Variants in NFYC observed in about 807,000 individuals in gnomAD.
The protein encoded by NFYC is nuclear transcription factor Y subunit gamma.
Under a neutral mutation model 53.1 loss-of-function variants are expected in NFYC, and 25 were observed. The ratio of observed to expected loss-of-function variants is 0.47; its 90% CI spans 0.34 to 0.66. NFYC has a LOEUF of 0.66. Among genes scored for constraint, NFYC ranks in the 30% least tolerant of loss-of-function variants. The pLI is 0.01. For synonymous variants in NFYC, 145 were observed against 152.6 expected, an observed-to-expected ratio of 0.95 and a Z score of 0.37; for missense variants, 260 against 422.7, an observed-to-expected ratio of 0.62 and a Z score of 3.38.
chr1:40,754,648 C>T (rs936735851), intron 5 of NFYC, among the ~76,000 whole-genome samples: 19 of 152,328 alleles, frequency 1.2e-4, no homozygotes, highest in Middle Eastern at 3.4e-3. Flanking sequence ...TCAGAAGCCC[C>T]CTTTAAAACA....
At chr1:40,692,144 T>G in intron 1 of NFYC, 1 of 187,438 alleles carries the variant, frequency 5.3e-6, no homozygotes, top group Non-Finnish European at 1.2e-5. Flanking sequence ...GATTGGTCGG[T>G]GGCGGGGAGG....
rs766774256 is a variant in NFYC, at chr1:40,738,854, A to G, written c.11A>G (p.Glu4Gly). 3 of 1,613,806 alleles carry G rather than the reference A, an allele frequency of 1.9e-6. No homozygotes were observed. Among genetic ancestry groups the G allele is most frequent in the African/African-American group, 2.7e-5 (2 of 74,940 alleles). Residue 4 changes from glutamate to glycine, a missense_variant, in exon 2 of 10, where the codon GAA becomes GGA. By Grantham distance (98) the Glu-to-Gly change is moderately conservative. Transcript: ENST00000447388. MSTEGGFGGTSSSD... is the reference protein window; with the variant it reads MSTGGGFGGTSSSD... ...TTTTCAGTTGTCGAGATGTCCACAG[A>G]AGGAGGATTTGGTGGTACTAGCAGC...
chr1:40,738,558 A>G (rs1417305760), intron 1 of NFYC, among the ~76,000 whole-genome samples: 2 of 152,262 alleles, frequency 1.3e-5, no homozygotes, highest in African/African-American at 4.8e-5. Context: ...CTTGATTAAC[A>G]TTAGGATTTC....
intron 6 of NFYC, among the ~76,000 whole-genome samples, chr1:40,759,590 T>C (rs545112350): frequency 6.6e-6 from 1 of 151,740 alleles, no homozygotes; most frequent in African/African-American, 2.4e-5. Flanking sequence ...TGTGTGTGTA[T>C]TATATATGTG....
intron 1 of NFYC, among the ~76,000 whole-genome samples, chr1:40,705,018 TC>T (rs1643628001): frequency 6.6e-6 from 1 of 152,254 alleles, no homozygotes; most frequent in Non-Finnish European, 1.5e-5. Flanking sequence ...TTTAATACTT[TC>T]CATTTTTTCA....
chr1:40,717,041 G>T (rs1644163076), intron 1 of NFYC, among the ~76,000 whole-genome samples: 1 of 152,138 alleles, frequency 6.6e-6, no homozygotes, highest in East Asian at 1.9e-4. Flanking sequence ...TAGATGTCCA[G>T]CCAGGCAGCT....
chr1:40,766,931 C>G, intron 8 of NFYC: 1 of 1,552,140 alleles, frequency 6.4e-7, no homozygotes, highest in Non-Finnish European at 8.7e-7. Flanking sequence ...CAAAGAAATG[C>G]AAGTCAGGGG....
At chr1:40,739,869 G>T (rs973257142) in intron 2 of NFYC, among the ~76,000 whole-genome samples, 1 of 152,164 alleles carries the variant, frequency 6.6e-6, no homozygotes, top group African/African-American at 2.4e-5. Context: ...GTGAAGGATG[G>T]GAGGGCAAAG....
intron 5 of NFYC, among the ~76,000 whole-genome samples, chr1:40,757,769 G>A (rs780789270): frequency 1.1e-4 from 16 of 152,222 alleles, no homozygotes; most frequent in Non-Finnish European, 2.1e-4. Context: ...CTTGCAATTA[G>A]CACTGTTCTC....
chr1:40,726,723 T>A (rs1229433405), intron 1 of NFYC, among the ~76,000 whole-genome samples: 1 of 152,180 alleles, frequency 6.6e-6, no homozygotes, highest in Non-Finnish European at 1.5e-5. Flanking sequence ...GGCTGGCAAT[T>A]TCTTAAAATA....
chr1:40,735,904 C>G (rs889204499), intron 1 of NFYC, among the ~76,000 whole-genome samples: 1 of 152,186 alleles, frequency 6.6e-6, no homozygotes, highest in Non-Finnish European at 1.5e-5. Context: ...CTAAACTTCT[C>G]TAGATTACCT....
At chr1:40,757,491 T>C (rs982464201) in intron 5 of NFYC, 9 of 392,356 alleles carry the variant, frequency 2.3e-5, no homozygotes, top group Non-Finnish European at 4.9e-5. Flanking sequence ...TGGGTTGCGC[T>C]TCTGTGGCTA....
chr1:40,723,163 C>T (rs1644386962), intron 1 of NFYC: 1 of 152,184 alleles, frequency 6.6e-6, no homozygotes, highest in African/African-American at 2.4e-5. Context: ...CGTAAGTTGG[C>T]ATCTATGAAA....
intron 1 of NFYC, chr1:40,730,474 A>G: frequency 2.5e-6 from 2 of 796,734 alleles, no homozygotes; most frequent in Non-Finnish European, 3.0e-6. Context: ...GGGAATGGCC[A>G]GTTGGTAGAG....
rs892566903 is a variant in NFYC at position 40,738,192 on chromosome 1, G to A, written c.-8-644G>A. ...GCTGGGATTACAGGCGTGAGCCACCGCGCCCGGCCCTCTCTCTTTTTTTAA... is the reference window on the plus strand; with the variant it reads ...GCTGGGATTACAGGCGTGAGCCACCACGCCCGGCCCTCTCTCTTTTTTTAA... On this transcript the variant is annotated intron_variant, in intron 1 of 9. Coordinates refer to ENST00000447388, the MANE Select transcript of NFYC (RefSeq NM_014223.5). Among the ~76,000 whole-genome samples, 67 of 152,190 alleles carry A rather than the reference G, an allele frequency of 4.4e-4. 1 individual carries two copies. The highest frequency in any genetic ancestry group is 1.5e-3 in the African/African-American group (62 of 41,516).
chr1:40,696,779 T>C (rs890386776), intron 1 of NFYC, among the ~76,000 whole-genome samples: 5 of 152,254 alleles, frequency 3.3e-5, no homozygotes, highest in African/African-American at 1.2e-4. Context: ...TTTTCCATTC[T>C]GTTTCTTGTT....
intron 2 of NFYC, among the ~76,000 whole-genome samples, chr1:40,740,409 T>A (rs1645276731): frequency 6.6e-6 from 1 of 151,342 alleles, no homozygotes; most frequent in Non-Finnish European, 1.5e-5. Context: ...AACAAGTAAT[T>A]AATGAAATGA....
At chr1:40,724,780 G>T (rs538308721) in intron 1 of NFYC, among the ~76,000 whole-genome samples, 2 of 151,786 alleles carry the variant, frequency 1.3e-5, no homozygotes, top group Admixed American at 1.3e-4. Context: ...AGATTATATT[G>T]TACTAGATAC....
intron 1 of NFYC, among the ~76,000 whole-genome samples, chr1:40,693,447 A>T (rs1642951828): frequency 6.6e-6 from 1 of 152,188 alleles, no homozygotes; most frequent in Non-Finnish European, 1.5e-5. Context: ...TTAGCTTTAG[A>T]TGGTACTCTT....
Sources: allele counts gnomAD v4.1 joint callset (sites outside exome capture counted in the v4.1 genomes callset), GRCh38; gene constraint gnomAD v4.1.1; transcripts MANE v1.5; gene names NCBI Gene and HGNC (gene_info 2026-07-23, HGNC 2026-07-21).